The following GADL1 variants were observed in gnomAD, a reference collection of about 807,000 sequenced individuals.
GADL1 encodes the protein acidic amino acid decarboxylase GADL1.
A neutral mutation model predicts 69.5 loss-of-function variants in GADL1; 71 were observed. That is an observed-to-expected ratio of 1.02 (90% CI 0.84 to 1.25). GADL1 has a LOEUF of 1.25. Ranked by LOEUF, GADL1 falls within the 50% of genes most tolerant of loss-of-function variation. The pLI, the probability that GADL1 is intolerant of heterozygous loss-of-function variation, is 0.00. For synonymous variants in GADL1, 254 were observed against 214.4 expected, an observed-to-expected ratio of 1.18 and a Z score of -1.62; for missense variants, 737 against 631.8, an observed-to-expected ratio of 1.17 and a Z score of -1.79.
chr3:30,749,993 G>A (rs1257544565), intron 14 of GADL1, among the ~76,000 whole-genome samples: 1 of 152,192 alleles, frequency 6.6e-6, no homozygotes, highest in Non-Finnish European at 1.5e-5. Flanking sequence ...TTTAGACAAA[G>A]GTCAGATTTT....
At chr3:30,819,279 T>G (rs1697528824) in intron 11 of GADL1, among the ~76,000 whole-genome samples, 1 of 152,024 alleles carries the variant, frequency 6.6e-6, no homozygotes, top group Non-Finnish European at 1.5e-5. Flanking sequence ...GTTTATCTAC[T>G]TGGGAAAGAG....
At chr3:30,848,542 G>A (rs1409877627) in intron 6 of GADL1, among the ~76,000 whole-genome samples, 1 of 140,046 alleles carries the variant, frequency 7.1e-6, no homozygotes, top group African/African-American at 2.8e-5. Context: ...TTAGTGGCAG[G>A]ATACCTGATA....
intron 1 of GADL1, among the ~76,000 whole-genome samples, chr3:30,868,733 G>A (rs1698440025): frequency 6.6e-6 from 1 of 151,830 alleles, no homozygotes; most frequent in African/African-American, 2.4e-5. Context: ...GCAGTCTTAG[G>A]GTTTTGTCAG....
intron 12 of GADL1, among the ~76,000 whole-genome samples, chr3:30,796,215 T>C (rs577001070): frequency 3.5e-4 from 54 of 152,302 alleles, no homozygotes; most frequent in African/African-American, 1.2e-3. Context: ...CTACCCCATT[T>C]AAATAGTGCA....
chr3:30,894,634 G>A lies in GADL1; in HGVS notation c.-20C>T. ...GCTCATCTCCGCTCCCCCACTCCAGGCTGCCCCGGGCGCGGCTCCCGCAGT... is the reference window on the plus strand; with the variant it reads ...GCTCATCTCCGCTCCCCCACTCCAGACTGCCCCGGGCGCGGCTCCCGCAGT... On this transcript the variant is annotated 5_prime_UTR_variant, in exon 1 of 15. Coordinates refer to ENST00000282538, the MANE Select transcript of GADL1 (RefSeq NM_207359.3). 1 of 1,549,196 alleles carries A rather than the reference G, an allele frequency of 6.5e-7. No individual in the cohort carries two copies. Among genetic ancestry groups the A allele is most frequent in the Non-Finnish European group, 8.7e-7 (1 of 1,145,704 alleles).
chr3:30,834,923 A>T (rs1268619356), intron 9 of GADL1, among the ~76,000 whole-genome samples: 1 of 152,084 alleles, frequency 6.6e-6, no homozygotes, highest in Non-Finnish European at 1.5e-5. Flanking sequence ...AGGGAGAAAA[A>T]TTGATGTAAG....
chr3:30,882,124 ATATT>A (rs754751718), intron 1 of GADL1, among the ~76,000 whole-genome samples: 51 of 150,776 alleles, frequency 3.4e-4, no homozygotes, highest in Non-Finnish European at 5.4e-4. Flanking sequence ...TATCCTTAAA[ATATT>A]TATTTTTTTT....
chr3:30,884,672 T>C (rs1698680987), intron 1 of GADL1, among the ~76,000 whole-genome samples: 1 of 152,080 alleles, frequency 6.6e-6, no homozygotes, highest in Non-Finnish European at 1.5e-5. Flanking sequence ...GTCAAAGGTG[T>C]CCCTTCCTCA....
chr3:30,857,300 T>C (rs950072804), intron 2 of GADL1, among the ~76,000 whole-genome samples, 159 bp from the exon 3 acceptor site: 2 of 152,004 alleles, frequency 1.3e-5, no homozygotes, highest in African/African-American at 4.8e-5. Context: ...GTAATGTAGA[T>C]GTTGATGGGA....
chr3:30,764,592 CCCAAGCA>C (rs1696225037), intron 14 of GADL1, among the ~76,000 whole-genome samples: 1 of 152,132 alleles, frequency 6.6e-6, no homozygotes, highest in Non-Finnish European at 1.5e-5. Flanking sequence ...AGAAGCATGT[CCCAAGCA>C]CCAAGAACAG....
intron 8 of GADL1, 141 bp downstream of exon 8, chr3:30,844,069 C>A (rs1698014001): frequency 3.0e-6 from 2 of 666,522 alleles, no homozygotes; most frequent in African/African-American, 3.6e-5. Context: ...TTAATTCCAA[C>A]ATTCTCTCTC....
At chr3:30,858,855 TATGA>T (rs1279649183) in intron 2 of GADL1, among the ~76,000 whole-genome samples, 1 of 151,872 alleles carries the variant, frequency 6.6e-6, no homozygotes, top group African/African-American at 2.4e-5. Context: ...CACCAACACT[TATGA>T]ATGGGCATAG....
intron 11 of GADL1, among the ~76,000 whole-genome samples, chr3:30,827,959 T>G (rs1697711191): frequency 6.6e-6 from 1 of 151,868 alleles, no homozygotes; most frequent in South Asian, 2.1e-4. Flanking sequence ...TCTGCTACAT[T>G]AGCTGGTAGG....
At chr3:30,788,039 C>T (rs1696833761) in intron 12 of GADL1, among the ~76,000 whole-genome samples, 1 of 152,142 alleles carries the variant, frequency 6.6e-6, no homozygotes, top group Non-Finnish European at 1.5e-5. Flanking sequence ...CGTGAGCATA[C>T]ACATGGGCAC....
intron 14 of GADL1, among the ~76,000 whole-genome samples, chr3:30,753,386 C>T (rs943364353): frequency 5.9e-5 from 9 of 152,116 alleles, no homozygotes; most frequent in African/African-American, 2.2e-4. Flanking sequence ...CAGGTTTGTG[C>T]ATAATTTGCA....
At chr3:30,736,453 C>T (rs1373167224) in intron 14 of GADL1, among the ~76,000 whole-genome samples, 2 of 152,084 alleles carry the variant, frequency 1.3e-5, no homozygotes, top group Non-Finnish European at 2.9e-5. Flanking sequence ...GCTTGGCATA[C>T]TAGGCACTCA....
intron 10 of GADL1, 116 bp downstream of exon 10, chr3:30,834,101 T>G: frequency 9.8e-7 from 1 of 1,024,518 alleles, no homozygotes; most frequent in Non-Finnish European, 1.5e-6. Flanking sequence ...TTTTTTGTTG[T>G]TGTTTATTTA....
chr3:30,844,594 GTAATT>G (rs1265839084), intron 6 of GADL1, 128 bp from the exon 7 acceptor site: 3 of 687,846 alleles, frequency 4.4e-6, no homozygotes, highest in African/African-American at 1.8e-5. Context: ...GCATAAAAAA[GTAATT>G]TAATTGAGCT....
chr3:30,820,093 C>T (rs553443019), intron 11 of GADL1, among the ~76,000 whole-genome samples: 52 of 151,866 alleles, frequency 3.4e-4, no homozygotes, highest in African/African-American at 1.3e-3. Flanking sequence ...ATATTATGTA[C>T]ATGGAGGCAA....
Sources: allele counts gnomAD v4.1 joint callset (sites outside exome capture counted in the v4.1 genomes callset), GRCh38; gene constraint gnomAD v4.1.1; transcripts MANE v1.5; gene names NCBI Gene and HGNC (gene_info 2026-07-23, HGNC 2026-07-21).